The following MALL variants were observed in gnomAD, a reference collection of about 807,000 sequenced individuals.
The protein encoded by MALL is MAL-like protein.
In MALL, 2 loss-of-function variants were observed where a neutral mutation model predicts 10.3. That is an observed-to-expected ratio of 0.19 (90% confidence interval 0.08 to 0.61). The LOEUF (loss-of-function observed/expected upper bound fraction) is 0.61, where lower values mean the gene tolerates loss of function less well. Among genes scored for constraint, MALL ranks in the 20% least tolerant of loss-of-function variants. The pLI, the probability that MALL is intolerant of heterozygous loss-of-function variation, is 0.88. For synonymous variants in MALL, 27 were observed against 51.8 expected (o/e 0.52, Z 2.05); for missense variants, 39 against 115.2 (o/e 0.34, Z 3.03).
chr2:110,115,544 C>G (rs73954607), intron 1 of MALL, 144 bp downstream of exon 1: 14 of 428,944 alleles, frequency 3.3e-5, no homozygotes, highest in East Asian at 1.1e-4. Context: ...CTCCCCCCCC[C>G]TCTCTGCAGG....
intron 1 of MALL, among the ~76,000 whole-genome samples, chr2:110,098,046 G>A (rs368204236): frequency 1.3e-5 from 2 of 151,884 alleles, no homozygotes; most frequent in Non-Finnish European, 2.9e-5. Flanking sequence ...GGACACATGC[G>A]GGCGTTGCCC....
chr2:110,103,192 G>A (rs1185282622), intron 1 of MALL, among the ~76,000 whole-genome samples: 1 of 152,156 alleles, frequency 6.6e-6, no homozygotes, highest in Non-Finnish European at 1.5e-5. Flanking sequence ...ACAGGAAGTG[G>A]TGCCATGGGG....
chr2:110,100,639 G>C (rs1199350056), intron 1 of MALL, among the ~76,000 whole-genome samples: 2 of 152,116 alleles, frequency 1.3e-5, no homozygotes, highest in Non-Finnish European at 2.9e-5. Flanking sequence ...CCTTTTTGTG[G>C]ATGAGTTTGT....
intron 1 of MALL, among the ~76,000 whole-genome samples, chr2:110,105,556 G>A (rs984301795): frequency 3.9e-5 from 6 of 152,232 alleles, no homozygotes; most frequent in African/African-American, 1.4e-4. Flanking sequence ...GCAGTGAGGG[G>A]AGTGAAGGGA....
At chr2:110,100,478 C>G (rs1374038316) in intron 1 of MALL, among the ~76,000 whole-genome samples, 2 of 149,816 alleles carry the variant, frequency 1.3e-5, no homozygotes, top group Non-Finnish European at 3.0e-5. Context: ...GTCCCCCACC[C>G]TAAAAAAAAA....
chr2:110,094,967 T>C (rs941878846), intron 1 of MALL, among the ~76,000 whole-genome samples: 4 of 120,868 alleles, frequency 3.3e-5, no homozygotes, highest in Non-Finnish European at 6.8e-5. Flanking sequence ...TGCTCAAACG[T>C]CATGGGAACC....
intron 1 of MALL, among the ~76,000 whole-genome samples, chr2:110,110,304 A>T (rs771881150): frequency 8.9e-4 from 135 of 152,164 alleles, no homozygotes; most frequent in Non-Finnish European, 1.2e-3. Context: ...AAGATAAATA[A>T]AATTAATAGA....
At chr2:110,102,586 G>A (rs1357295430) in intron 1 of MALL, among the ~76,000 whole-genome samples, 1 of 152,232 alleles carries the variant, frequency 6.6e-6, no homozygotes, top group East Asian at 1.9e-4. Context: ...AGACGCCCAT[G>A]GAAGTGGCAT....
intron 1 of MALL, among the ~76,000 whole-genome samples, chr2:110,096,536 T>C (rs1469010553): frequency 1.3e-5 from 2 of 151,812 alleles, no homozygotes; most frequent in South Asian, 2.1e-4. Flanking sequence ...GGACATTCCA[T>C]GAGAAAGATA....
At position 110,111,351 on chromosome 2, in the gene MALL, G is replaced by A. The variant is rs1678798066; in HGVS notation, c.105+4337C>T. On this transcript the variant is annotated intron_variant, in intron 1 of 3. Transcript: ENST00000272462. ...ACTCTTCCAGAAAGCTCCTAGAACT[G>A]ATAAAAGAATTCAGCAAAAGTTTCT... Among the ~76,000 whole-genome samples the A allele has an allele frequency of 1.3e-5, 2 of 152,088 alleles. 1 individual carries two copies. The highest frequency in any genetic ancestry group is 1.3e-4 in the Admixed American group (2 of 15,264).
At chr2:110,115,542 C>CCCA (rs1559034668) in intron 1 of MALL, 146 bp downstream of exon 1, 1 of 430,444 alleles carries the variant, frequency 2.3e-6, no homozygotes, top group African/African-American at 2.2e-5. Context: ...GTCTCCCCCC[C>CCCA]CCTCTCTGCA....
At chr2:110,103,308 C>T (rs1349638889) in intron 1 of MALL, among the ~76,000 whole-genome samples, 2 of 152,018 alleles carry the variant, frequency 1.3e-5, no homozygotes, top group Non-Finnish European at 2.9e-5. Context: ...GGGAGCTTGA[C>T]CAGGTGGTGA....
At chr2:110,103,073 A>G (rs1009276274) in intron 1 of MALL, among the ~76,000 whole-genome samples, 1 of 151,868 alleles carries the variant, frequency 6.6e-6, no homozygotes, top group African/African-American at 2.4e-5. Context: ...AGGTCTGAAG[A>G]CTCTGGAGTC....
At chr2:110,103,563 C>T (rs1574033848) in intron 1 of MALL, among the ~76,000 whole-genome samples, 1 of 152,316 alleles carries the variant, frequency 6.6e-6, no homozygotes, top group East Asian at 1.9e-4. Context: ...GAGACAGCTC[C>T]TGGGAATGGC....
rs182802115 is a variant in MALL at position 110,105,012 on chromosome 2, C to G, written c.105+10676G>C. Among the ~76,000 whole-genome samples, 80 of 152,308 alleles carry G rather than the reference C, an allele frequency of 5.3e-4. 1 individual carries two copies. Among genetic ancestry groups the G allele is most frequent in the African/African-American group, 1.8e-3 (74 of 41,578 alleles). On this transcript the variant is annotated intron_variant, in intron 1 of 3. Coordinates refer to ENST00000272462, the MANE Select transcript of MALL (RefSeq NM_005434.5). ...CTGGCATTATGGAGCACTCACTCAC[C>G]ATGTCCTGACATTTCCTATGAAGTC...
intron 1 of MALL, among the ~76,000 whole-genome samples, chr2:110,112,647 A>T (rs1678828956): frequency 6.6e-6 from 1 of 152,098 alleles, no homozygotes; most frequent in South Asian, 2.1e-4. Flanking sequence ...AATGTAAACT[A>T]GTACATCCAC....
intron 1 of MALL, among the ~76,000 whole-genome samples, chr2:110,098,026 G>T (rs925183421): frequency 3.3e-5 from 5 of 151,948 alleles, no homozygotes; most frequent in African/African-American, 1.2e-4. Flanking sequence ...GCAGGAATGG[G>T]CTCTGCAAAG....
chr2:110,117,587 A>ATGTGTGTGTG (rs3840469), upstream of MALL, among the ~76,000 whole-genome samples: 136 of 105,448 alleles, frequency 1.3e-3, 1 homozygote, highest in South Asian at 5.2e-3. Flanking sequence ...GACCAAAGCA[A>ATGTGTGTGTG]TGTGTGTGTG....
chr2:110,115,559 C>T, intron 1 of MALL, 129 bp downstream of exon 1: 1 of 366,472 alleles, frequency 2.7e-6, no homozygotes, highest in Non-Finnish European at 4.6e-6. Flanking sequence ...TGCAGGTGGC[C>T]CCTGTGCTTG....
Sources: allele counts gnomAD v4.1 joint callset (sites outside exome capture counted in the v4.1 genomes callset), GRCh38; gene constraint gnomAD v4.1.1; transcripts MANE v1.5; gene names NCBI Gene and HGNC (gene_info 2026-07-23, HGNC 2026-07-21).